DLGAP2: variants seen among roughly 807,000 people sequenced by gnomAD.
The protein encoded by DLGAP2 is disks large-associated protein 2.
Under a neutral mutation model 100.3 loss-of-function variants are expected in DLGAP2, and 26 were observed. The observed-to-expected ratio is 0.26, with a 90% confidence interval of 0.19 to 0.36. The LOEUF is 0.36. Ranked by LOEUF, DLGAP2 falls within the 10% of genes least tolerant of loss-of-function variation. The pLI, the probability that DLGAP2 is intolerant of heterozygous loss-of-function variation, is 1.00. For missense variants in DLGAP2, 1,858 were observed against 1,453.2 expected (o/e 1.28, Z -4.53); for synonymous variants, 886 against 630.1 (o/e 1.41, Z -6.08).
chr8:1,240,382 G>GGTTCTCTCACATGGCACCATGTCTA (rs1563273783), intron 2 of DLGAP2, among the ~76,000 whole-genome samples: 45 of 128,078 alleles, frequency 3.5e-4, no homozygotes, highest in Admixed American at 1.0e-3. Flanking sequence ...CATCGTGTCT[G>GGTTCTCTCACATGGCACCATGTCTA]GTTCTCTCAC....
At chr8:1,508,058 G>C (rs1356408941) in intron 4 of DLGAP2, among the ~76,000 whole-genome samples, 5 of 151,842 alleles carry the variant, frequency 3.3e-5, no homozygotes, top group Admixed American at 2.0e-4. Context: ...AAGCTCACCA[G>C]GGCACACTGC....
intron 1 of DLGAP2, among the ~76,000 whole-genome samples, chr8:771,633 G>A (rs901921117): frequency 5.3e-5 from 8 of 152,224 alleles, no homozygotes; most frequent in African/African-American, 1.9e-4. Flanking sequence ...ATGGTCACGA[G>A]AGTGGCAACC....
At chr8:822,308 A>T in intron 1 of DLGAP2, 1 of 398,852 alleles carries the variant, frequency 2.5e-6, no homozygotes, top group Non-Finnish European at 4.4e-6. Flanking sequence ...CACAGGGGTG[A>T]CGGGGGCCTG....
chr8:1,168,152 A>G (rs2116669686), intron 2 of DLGAP2, among the ~76,000 whole-genome samples: 1 of 150,084 alleles, frequency 6.7e-6, no homozygotes, highest in East Asian at 2.0e-4. Context: ...TGTTCTTGCC[A>G]TAGTTTACTG....
chr8:1,082,375 T>A (rs1256152542), intron 2 of DLGAP2, among the ~76,000 whole-genome samples: 1 of 152,202 alleles, frequency 6.6e-6, no homozygotes, highest in African/African-American at 2.4e-5. Flanking sequence ...TTTAAAAAAA[T>A]CACCTTTTCA....
chr8:1,554,126 A>G (rs958674444), intron 5 of DLGAP2, among the ~76,000 whole-genome samples: 3 of 152,162 alleles, frequency 2.0e-5, no homozygotes, highest in Admixed American at 2.0e-4. Context: ...TGTTTCTACT[A>G]AAAATACAAA....
chr8:1,189,724 CG>C (rs1797593186), intron 2 of DLGAP2, among the ~76,000 whole-genome samples: 8 of 152,022 alleles, frequency 5.3e-5, no homozygotes, highest in Non-Finnish European at 7.4e-5. Context: ...GAAGCGAGCT[CG>C]AGTTATCCAA....
intron 2 of DLGAP2, among the ~76,000 whole-genome samples, chr8:1,258,085 C>A (rs55663221): frequency 6.6e-6 from 1 of 152,132 alleles, no homozygotes; most frequent in South Asian, 2.1e-4. Flanking sequence ...CAGGCAGAGC[C>A]AAGTTCATAG....
At chr8:1,027,390 C>T (rs992198177) in intron 2 of DLGAP2, among the ~76,000 whole-genome samples, 1 of 149,994 alleles carries the variant, frequency 6.7e-6, no homozygotes, top group African/African-American at 2.5e-5. Context: ...GCTTGGTGCC[C>T]GTTATTCTCC....
rs1799665183 is a variant in DLGAP2 at position 1,704,930 on chromosome 8, G to C, written c.*3524G>C. The C allele has an allele frequency of 6.6e-6, 1 of 152,220 alleles. No homozygotes were observed. The highest frequency in any genetic ancestry group is 1.5e-5 in the Non-Finnish European group (1 of 68,042). The allele number at this position is 152,220 out of a possible 1,614,324, so 9.4% of individuals were successfully genotyped here. On this transcript the variant is annotated 3_prime_UTR_variant, in exon 15 of 15. Transcript: ENST00000637795. ...TATTTCTCTTGGAGCATATGTCCTT[G>C]TCTTGATTTTTGCCTTTTCGATGCC...
chr8:1,001,497 T>C (rs774126421), intron 2 of DLGAP2, among the ~76,000 whole-genome samples: 1 of 152,234 alleles, frequency 6.6e-6, no homozygotes, highest in Non-Finnish European at 1.5e-5. Context: ...GAGCAAATGC[T>C]TTTGATTATA....
intron 1 of DLGAP2, among the ~76,000 whole-genome samples, chr8:862,537 C>T (rs150869072): frequency 0.012 from 1,788 of 152,216 alleles, 33 homozygotes; most frequent in African/African-American, 0.041. Flanking sequence ...CTCCTGACCT[C>T]GTGATCTGGC....
chr8:1,469,339 G>C (rs535024520), intron 3 of DLGAP2, among the ~76,000 whole-genome samples: 1 of 152,242 alleles, frequency 6.6e-6, no homozygotes, highest in African/African-American at 2.4e-5. Context: ...GGCCCCGTAC[G>C]AGAGCGAAGC....
intron 2 of DLGAP2, among the ~76,000 whole-genome samples, chr8:1,182,472 C>G (rs187388371): frequency 6.6e-6 from 1 of 152,060 alleles, no homozygotes; most frequent in African/African-American, 2.4e-5. Context: ...GCTGAATTCT[C>G]GTAGCCCTAA....
intron 1 of DLGAP2, among the ~76,000 whole-genome samples, chr8:881,842 T>C: frequency 6.6e-6 from 1 of 152,052 alleles, no homozygotes. Flanking sequence ...TGGAAACATA[T>C]GCCCTGTCAC....
chr8:1,667,046 G>A (rs1473042510), intron 8 of DLGAP2, among the ~76,000 whole-genome samples: 1 of 152,216 alleles, frequency 6.6e-6, no homozygotes, highest in Non-Finnish European at 1.5e-5. Context: ...AAGCAGCCTG[G>A]CAGTGCCTCC....
At chr8:1,006,092 G>A (rs1038697416) in intron 2 of DLGAP2, among the ~76,000 whole-genome samples, 1 of 152,136 alleles carries the variant, frequency 6.6e-6, no homozygotes, top group Non-Finnish European at 1.5e-5. Flanking sequence ...GGGAGGCTGA[G>A]GCAGGAGAAT....
At chr8:864,679 T>C (rs1797457484) in intron 1 of DLGAP2, among the ~76,000 whole-genome samples, 2 of 152,166 alleles carry the variant, frequency 1.3e-5, no homozygotes, top group Admixed American at 1.3e-4. Flanking sequence ...CGGTGCACTT[T>C]CAGTAAACCT....
At chr8:828,068 T>G (rs1025230919) in intron 1 of DLGAP2, among the ~76,000 whole-genome samples, 2 of 151,982 alleles carry the variant, frequency 1.3e-5, no homozygotes, top group Non-Finnish European at 2.9e-5. Flanking sequence ...AACAGGGTAA[T>G]AGAATATCAC....
Sources: allele counts gnomAD v4.1 joint callset (sites outside exome capture counted in the v4.1 genomes callset), GRCh38; gene constraint gnomAD v4.1.1; transcripts MANE v1.5; gene names NCBI Gene and HGNC (gene_info 2026-07-23, HGNC 2026-07-21).